ANO6: variants seen among roughly 807,000 people sequenced by gnomAD.
ANO6 encodes the protein anoctamin-6.
In ANO6, 106 loss-of-function variants were observed where a neutral mutation model predicts 117.5. The ratio of observed to expected loss-of-function variants is 0.90; its 90% CI spans 0.77 to 1.06. ANO6 has a LOEUF of 1.06. Among genes scored for constraint, ANO6 ranks in the 50% least tolerant of loss-of-function variants. ANO6 has a pLI of 0.00. For missense variants in ANO6, 955 were observed against 1,121.1 expected, an observed-to-expected ratio of 0.85 and a Z score of 2.12; for synonymous variants, 367 against 385.1, an observed-to-expected ratio of 0.95 and a Z score of 0.55.
At chr12:45,248,377 A>G (rs545210483) in intron 1 of ANO6, among the ~76,000 whole-genome samples, 65 of 152,168 alleles carry the variant, frequency 4.3e-4, no homozygotes, top group Admixed American at 9.8e-4. Flanking sequence ...TTCTGTGTGC[A>G]TAAGGACAAC....
intron 1 of ANO6, among the ~76,000 whole-genome samples, chr12:45,267,523 C>T (rs1171446678): frequency 6.6e-6 from 1 of 152,188 alleles, no homozygotes; most frequent in Non-Finnish European, 1.5e-5. Flanking sequence ...GGCATGGTGG[C>T]TCACGCCTAT....
intron 1 of ANO6, among the ~76,000 whole-genome samples, chr12:45,274,489 C>T (rs1046641017): frequency 2.0e-5 from 3 of 152,094 alleles, no homozygotes; most frequent in South Asian, 4.1e-4. Context: ...ACATCCCCTG[C>T]GCCCACACCT....
chr12:45,360,101 T>A (rs1452233502), intron 8 of ANO6, among the ~76,000 whole-genome samples: 1 of 152,260 alleles, frequency 6.6e-6, no homozygotes, highest in Non-Finnish European at 1.5e-5. Flanking sequence ...CTATTTTAGT[T>A]GTGTTGTCTT....
intron 16 of ANO6, among the ~76,000 whole-genome samples, chr12:45,410,682 A>G (rs558521467): frequency 1.3e-5 from 2 of 152,260 alleles, no homozygotes; most frequent in South Asian, 2.1e-4. Context: ...ATTTTTGTTG[A>G]CAGGCTTTGC....
At chr12:45,335,106 T>C (rs1462817096) in intron 3 of ANO6, among the ~76,000 whole-genome samples, 1 of 152,098 alleles carries the variant, frequency 6.6e-6, no homozygotes, top group African/African-American at 2.4e-5. Flanking sequence ...GGAAAATTTA[T>C]GTCCTTGAAG....
chr12:45,287,061 G>A (rs971950758), intron 1 of ANO6, among the ~76,000 whole-genome samples: 1 of 152,176 alleles, frequency 6.6e-6, no homozygotes. Context: ...CATGAACAAG[G>A]TGAGATCTCT....
chr12:45,356,144 T>G (rs902354381), intron 7 of ANO6, among the ~76,000 whole-genome samples: 2 of 152,182 alleles, frequency 1.3e-5, no homozygotes, highest in Non-Finnish European at 2.9e-5. Flanking sequence ...CTTGCCTACG[T>G]GGCCTCTTCA....
At chr12:45,405,093 T>A (rs1175686282) in intron 15 of ANO6, among the ~76,000 whole-genome samples, 16 of 152,056 alleles carry the variant, frequency 1.1e-4, no homozygotes, top group Admixed American at 6.5e-5. Context: ...AGCTGTGAAA[T>A]TCTTTTTTTT....
At chr12:45,382,540 A>G (rs1316125369) in intron 10 of ANO6, among the ~76,000 whole-genome samples, 1 of 152,196 alleles carries the variant, frequency 6.6e-6, no homozygotes, top group African/African-American at 2.4e-5. Context: ...TGATCTCACC[A>G]GTAAACTGTC....
chr12:45,398,256 A>G (rs890040429), intron 12 of ANO6, among the ~76,000 whole-genome samples: 1 of 152,208 alleles, frequency 6.6e-6, no homozygotes, highest in Admixed American at 6.5e-5. Context: ...GTGCAATTAC[A>G]AAGGAAAAAA....
intron 3 of ANO6, among the ~76,000 whole-genome samples, chr12:45,343,857 T>C (rs994051181): frequency 1.3e-5 from 2 of 152,122 alleles, no homozygotes; most frequent in African/African-American, 4.8e-5. Context: ...CTACCATCTC[T>C]GGAACTGGCA....
Position 45,429,715 on chromosome 12 carries a change from G to T in ANO6, c.*404G>T, listed in dbSNP as rs1002312025. On this transcript the variant is annotated 3_prime_UTR_variant, in exon 20 of 20. Transcript: ENST00000320560. ...CATGTTTCATTTCTTCACTTGGCTAGATCTGTTCCAGGGTCATCTTTTCCT... is the reference window on the plus strand; with the variant it reads ...CATGTTTCATTTCTTCACTTGGCTATATCTGTTCCAGGGTCATCTTTTCCT... 1 of 1,106,092 alleles carries T rather than the reference G, an allele frequency of 9.0e-7. No individual in the cohort carries two copies. Among genetic ancestry groups the T allele is most frequent in the African/African-American group, 1.7e-5 (1 of 59,982 alleles). The allele number at this position is 1,106,092 out of a possible 1,614,324, so 68.5% of individuals were successfully genotyped here. A position where few individuals can be genotyped will look rare whatever the true frequency, so the allele number is the denominator to read the frequency against.
At chr12:45,409,778 CAG>C (rs1280795401) in intron 16 of ANO6, among the ~76,000 whole-genome samples, 2 of 152,036 alleles carry the variant, frequency 1.3e-5, no homozygotes, top group Admixed American at 6.5e-5. Context: ...TTTTTTGAGA[CAG>C]AGTCTCACTC....
rs903017630 is a variant in ANO6 at position 45,430,623 on chromosome 12, C to CCAAT, written c.*1315_*1318dup. 2.5e-5 allele frequency: 25 copies of CCAAT among 985,252 alleles called. No individual in the cohort carries two copies. The East Asian group carries it at 9.1e-4, about 36-fold the overall frequency. 61.0% of individuals were successfully genotyped at this position (985,252 alleles called of 1,614,324 possible). ...TTTGATTTTTTAGCCTCCTCTAGAG[C>CCAAT]CAATCAGGCAGTTAAGAGTAATAAA... On this transcript the variant is annotated 3_prime_UTR_variant, in exon 20 of 20. Coordinates refer to ENST00000320560, the MANE Select transcript of ANO6 (RefSeq NM_001025356.3).
exon 20 of ANO6, chr12:45,440,092 T>A: frequency 1.4e-6 from 1 of 710,864 alleles, no homozygotes; most frequent in Non-Finnish European, 2.0e-6. Context: ...GTATTTGAGC[T>A]GCAACCCACA....
chr12:45,295,424 G>A (rs886147519), intron 1 of ANO6, among the ~76,000 whole-genome samples: 1 of 152,222 alleles, frequency 6.6e-6, no homozygotes, highest in East Asian at 1.9e-4. Flanking sequence ...CAGGAGCAGC[G>A]GGGCGGGGAT....
At chr12:45,264,661 G>A (rs998713005) in intron 1 of ANO6, among the ~76,000 whole-genome samples, 2 of 152,096 alleles carry the variant, frequency 1.3e-5, no homozygotes. Context: ...CCTGACTGTG[G>A]ATACATACAT....
rs1942077508 is a variant in ANO6 at position 45,378,099 on chromosome 12, T to G, written c.1151T>G (p.Phe384Cys). The stretch of plus-strand genomic sequence containing the variant: ...TTTGGAACCCTGGTCTTTGCAGTAT[T>G]TATGGGAGTATGGGGTAAGTTTTTT... Reference protein sequence around the residue: ...DSFGTLVFAVFMGVWVTLFLE... With the variant: ...DSFGTLVFAVCMGVWVTLFLE... The change falls in exon 10 of 20, where the codon TTT becomes TGT. Residue 384 changes from phenylalanine to cysteine, a missense_variant. Coordinates refer to ENST00000320560, the MANE Select transcript of ANO6 (RefSeq NM_001025356.3). 2 of 1,612,908 alleles carry G rather than the reference T, an allele frequency of 1.2e-6. No homozygotes were observed.
intron 1 of ANO6, among the ~76,000 whole-genome samples, chr12:45,254,754 T>C (rs944478201): frequency 2.0e-5 from 3 of 152,226 alleles, no homozygotes; most frequent in Non-Finnish European, 4.4e-5. Flanking sequence ...ATTACAGATA[T>C]GTAAGATTAT....
Sources: gnomAD v4.1 joint callset for allele counts (sites outside exome capture counted in the v4.1 genomes callset) on GRCh38, gnomAD v4.1.1 for gene constraint, MANE v1.5 for transcripts, NCBI Gene and HGNC (gene_info 2026-07-23, HGNC 2026-07-21) for gene names.